The following PEAK1 variants were observed in gnomAD, a reference collection of about 807,000 sequenced individuals.
The protein encoded by PEAK1 is inactive tyrosine-protein kinase PEAK1.
A neutral mutation model predicts 124.7 loss-of-function variants in PEAK1; 54 were observed. The ratio of observed to expected loss-of-function variants is 0.43; its 90% CI spans 0.35 to 0.54. PEAK1 has a LOEUF of 0.54. Ranked by LOEUF, PEAK1 falls within the 20% of genes least tolerant of loss-of-function variation. The pLI, the probability that PEAK1 is intolerant of heterozygous loss-of-function variation, is 0.01. For synonymous variants in PEAK1, 719 were observed against 760.0 expected (o/e 0.95, Z 0.89); for missense variants, 2,046 against 2,134.5 (o/e 0.96, Z 0.82).
At chr15:77,326,885 T>A (rs981486037) in intron 2 of PEAK1, among the ~76,000 whole-genome samples, 1 of 152,104 alleles carries the variant, frequency 6.6e-6, no homozygotes, top group African/African-American at 2.4e-5. Context: ...TGTACCATAT[T>A]TAAAATCTTC....
chr15:77,123,656 T>G (rs2052118374), intron 9 of PEAK1, among the ~76,000 whole-genome samples: 1 of 152,204 alleles, frequency 6.6e-6, no homozygotes, highest in South Asian at 2.1e-4. Context: ...TATGAGGATT[T>G]AGTCTACTAT....
intron 6 of PEAK1, among the ~76,000 whole-genome samples, chr15:77,215,246 GCTTA>G (rs2059097004): frequency 6.6e-6 from 1 of 152,128 alleles, no homozygotes; most frequent in South Asian, 2.1e-4. Flanking sequence ...AATTGGGTTT[GCTTA>G]CTGAGTTGTA....
At chr15:77,398,056 A>G (rs533847562) in intron 1 of PEAK1, among the ~76,000 whole-genome samples, 5 of 152,048 alleles carry the variant, frequency 3.3e-5, no homozygotes, top group Non-Finnish European at 7.4e-5. Context: ...CAAGAGCAAA[A>G]CTCCATCTCA....
intron 2 of PEAK1, among the ~76,000 whole-genome samples, chr15:77,323,035 CAT>C (rs2065331741): frequency 6.6e-6 from 1 of 151,912 alleles, no homozygotes; most frequent in Non-Finnish European, 1.5e-5. Context: ...ACAAAAACCA[CAT>C]GATTATCTCA....
chr15:77,241,791 T>A (rs1295475982), intron 6 of PEAK1, among the ~76,000 whole-genome samples: 1 of 151,180 alleles, frequency 6.6e-6, no homozygotes, highest in Non-Finnish European at 1.5e-5. Flanking sequence ...ATAGGAGGGG[T>A]ATGCTGAGAA....
chr15:77,131,941 G>A (rs2052896887), intron 9 of PEAK1, among the ~76,000 whole-genome samples: 1 of 151,954 alleles, frequency 6.6e-6, no homozygotes, highest in Non-Finnish European at 1.5e-5. Context: ...CAGTCATGTG[G>A]TGGCACACAC....
rs2057169224 is a variant in PEAK1 at position 77,180,288 on chromosome 15, T to C, written c.1639A>G (p.Lys547Glu). 1 of 1,614,186 alleles carries C rather than the reference T, an allele frequency of 6.2e-7. No homozygotes were observed. The highest frequency in any genetic ancestry group is 1.1e-5 in the South Asian group (1 of 91,080). Residue 547 changes from lysine to glutamate, a missense_variant, in exon 7 of 10, where the codon AAA (lysine) becomes GAA (glutamate). Transcript: ENST00000682557. ...GTTCCACTAGTAATTAGTTCTACTT[T>C]AGGTATCTTTTGTCGTGGACTGGTG... is the stretch of plus-strand genomic sequence containing the variant. ...SSTSPRQKIPKVELITSGTGP... is the reference protein window; with the variant it reads ...SSTSPRQKIPEVELITSGTGP...
At chr15:77,261,191 T>C (rs1030310701) in intron 5 of PEAK1, among the ~76,000 whole-genome samples, 5 of 152,012 alleles carry the variant, frequency 3.3e-5, no homozygotes, top group Non-Finnish European at 5.9e-5. Context: ...GCAGAAACAC[T>C]GAAAATTCTA....
intron 1 of PEAK1, among the ~76,000 whole-genome samples, chr15:77,385,712 G>T (rs537190875): frequency 6.6e-6 from 1 of 152,166 alleles, no homozygotes; most frequent in Non-Finnish European, 1.5e-5. Flanking sequence ...GGAAAACCCT[G>T]AAGTCTGAAA....
At chr15:77,314,497 G>C (rs369231319) in intron 2 of PEAK1, among the ~76,000 whole-genome samples, 19 of 152,200 alleles carry the variant, frequency 1.2e-4, no homozygotes, top group African/African-American at 4.3e-4. Flanking sequence ...AGCCTCCTGA[G>C]TAGCTGGGAT....
chr15:77,413,830 G>GT (rs2072610455), intron 1 of PEAK1, among the ~76,000 whole-genome samples: 1 of 152,128 alleles, frequency 6.6e-6, no homozygotes, highest in Non-Finnish European at 1.5e-5. Flanking sequence ...CAGTTTTTCT[G>GT]TTTGTTTCTT....
chr15:77,335,562 C>G (rs1025901716), intron 2 of PEAK1: 18 of 910,324 alleles, frequency 2.0e-5, no homozygotes, highest in Middle Eastern at 5.5e-4. Flanking sequence ...TCACTGCAGC[C>G]ATGAAGTCTG....
At chr15:77,392,594 G>A (rs2070562303) in intron 1 of PEAK1, among the ~76,000 whole-genome samples, 1 of 152,046 alleles carries the variant, frequency 6.6e-6, no homozygotes, top group African/African-American at 2.4e-5. Flanking sequence ...TATGCCATAT[G>A]AGATATAAAG....
intron 1 of PEAK1, among the ~76,000 whole-genome samples, chr15:77,399,048 A>G (rs1037242584): frequency 1.3e-5 from 2 of 152,190 alleles, no homozygotes; most frequent in Non-Finnish European, 2.9e-5. Context: ...AATTAACTTA[A>G]CCAAAGAAGC....
At chr15:77,222,825 C>T (rs1415028581) in intron 6 of PEAK1, among the ~76,000 whole-genome samples, 1 of 151,972 alleles carries the variant, frequency 6.6e-6, no homozygotes, top group Non-Finnish European at 1.5e-5. Context: ...TGAAATAGTT[C>T]AAAATGGCAA....
chr15:77,331,350 G>A (rs576214587), intron 2 of PEAK1, among the ~76,000 whole-genome samples: 2 of 152,096 alleles, frequency 1.3e-5, no homozygotes, highest in African/African-American at 2.4e-5. Flanking sequence ...GGCTGGTCTC[G>A]AACTCCTGAC....
At chr15:77,351,704 A>G in intron 2 of PEAK1, 1 of 981,500 alleles carries the variant, frequency 1.0e-6, no homozygotes, top group Non-Finnish European at 1.2e-6. Context: ...CAAGGTGCCA[A>G]GAACCTGGAC....
intron 7 of PEAK1, among the ~76,000 whole-genome samples, chr15:77,166,176 C>T (rs546681412): frequency 1.3e-5 from 2 of 152,180 alleles, no homozygotes; most frequent in African/African-American, 2.4e-5. Context: ...ATTGAAGCTG[C>T]TCTAGCTATA....
intron 5 of PEAK1, among the ~76,000 whole-genome samples, chr15:77,261,018 G>T (rs1007079159): frequency 6.6e-6 from 1 of 152,204 alleles, no homozygotes; most frequent in African/African-American, 2.4e-5. Context: ...ACAGCATCTG[G>T]AGAGGACCCC....
Sources: gnomAD v4.1 joint callset for allele counts (sites outside exome capture counted in the v4.1 genomes callset) on GRCh38, gnomAD v4.1.1 for gene constraint, MANE v1.5 for transcripts, NCBI Gene and HGNC (gene_info 2026-07-23, HGNC 2026-07-21) for gene names.